PRKCH: variants seen among roughly 807,000 people sequenced by gnomAD.
PRKCH encodes protein kinase C eta type.
PRKCH carries 28 observed loss-of-function variants against 82.5 expected under a neutral mutation model. That is an observed-to-expected ratio of 0.34 (90% confidence interval 0.25 to 0.47). The LOEUF is 0.47. Ranked by LOEUF, PRKCH falls within the 20% of genes least tolerant of loss-of-function variation. The probability of loss-of-function intolerance (pLI) is 1.00; values close to 1 mark genes in which losing one functional copy is unlikely to be tolerated. For missense variants in PRKCH, 705 were observed against 881.8 expected (o/e 0.80, Z 2.54); for synonymous variants, 322 against 327.4 (o/e 0.98, Z 0.18).
At chr14:61,521,254 A>G (rs1217465625) in intron 10 of PRKCH, among the ~76,000 whole-genome samples, 4 of 152,238 alleles carry the variant, frequency 2.6e-5, no homozygotes, top group African/African-American at 4.8e-5. Context: ...ACATTTTCAG[A>G]TAACATTTAA....
intron 12 of PRKCH, among the ~76,000 whole-genome samples, chr14:61,536,084 C>T (rs949722687): frequency 1.3e-5 from 2 of 152,170 alleles, no homozygotes; most frequent in Non-Finnish European, 2.9e-5. Context: ...ACAGAAAGAG[C>T]TAATGATGTG....
intron 10 of PRKCH, among the ~76,000 whole-genome samples, chr14:61,500,676 G>A (rs1215990460): frequency 2.0e-5 from 3 of 152,208 alleles, no homozygotes; most frequent in East Asian, 1.9e-4. Flanking sequence ...CATGAAAATA[G>A]AGAAGGTAGT....
At chr14:61,485,090 G>A (rs1287779148) in intron 9 of PRKCH, among the ~76,000 whole-genome samples, 2 of 151,914 alleles carry the variant, frequency 1.3e-5, no homozygotes, top group Non-Finnish European at 2.9e-5. Flanking sequence ...CTGCCCATTT[G>A]TGAGAACTAG....
intron 2 of PRKCH, among the ~76,000 whole-genome samples, chr14:61,428,072 T>TAC (rs1555386071): frequency 0.02 from 1,533 of 77,272 alleles, 18 homozygotes; most frequent in African/African-American, 0.056. Context: ...GATAGATAGA[T>TAC]AGATACACAC....
rs79204130 is a variant in PRKCH at position 61,322,474 on chromosome 14, G to A, written c.363+10G>A. 89,553 of 1,587,156 alleles carry A rather than the reference G, an allele frequency of 0.056. 2,878 individuals are homozygous for A. Among genetic ancestry groups the A allele is most frequent in the Middle Eastern group, 0.065 (390 of 5,984 alleles). ...CACCTTCGAGGGTTGGGTGAGTAGC[G>A]GTGACCCCTTCCCTTTGTGTCCACC... On this transcript the variant is annotated intron_variant, in intron 1 of 13. Coordinates refer to ENST00000332981, the MANE Select transcript of PRKCH (RefSeq NM_006255.5).
intron 1 of PRKCH, among the ~76,000 whole-genome samples, chr14:61,199,618 C>CT (rs2044464427): frequency 6.3e-5 from 5 of 79,710 alleles, no homozygotes; most frequent in Non-Finnish European, 1.4e-4. Flanking sequence ...GTTTTTGTTT[C>CT]ATTTTTTTTT....
intron 10 of PRKCH, among the ~76,000 whole-genome samples, chr14:61,486,306 T>C (rs1263777974): frequency 6.6e-6 from 1 of 151,990 alleles, no homozygotes; most frequent in Non-Finnish European, 1.5e-5. Context: ...ATTACAGTCA[T>C]GTGGAGCATG....
intron 2 of PRKCH, among the ~76,000 whole-genome samples, chr14:61,427,394 G>A (rs535973259): frequency 6.6e-6 from 1 of 152,180 alleles, no homozygotes; most frequent in East Asian, 1.9e-4. Context: ...TATAGACCTA[G>A]GAAAAGTGCT....
intron 2 of PRKCH, among the ~76,000 whole-genome samples, chr14:61,405,481 G>A (rs1170211438): frequency 6.6e-6 from 1 of 151,962 alleles, no homozygotes; most frequent in African/African-American, 2.4e-5. Flanking sequence ...GGGTTCAAGC[G>A]ATTCTGCTGC....
At chr14:61,441,835 GA>G (rs753493508) in intron 2 of PRKCH, among the ~76,000 whole-genome samples, 125 of 149,796 alleles carry the variant, frequency 8.3e-4, no homozygotes, top group Non-Finnish European at 1.6e-3. Flanking sequence ...ATTTTTTTAA[GA>G]GATGGGGCCT....
chr14:61,484,615 A>G (rs2140328821), intron 9 of PRKCH, among the ~76,000 whole-genome samples: 1 of 152,280 alleles, frequency 6.6e-6, no homozygotes. Context: ...GTGACTTTTA[A>G]GAGTCCACTT....
chr14:61,210,754 TTCTCTCTCTCTCTC>T (rs57385240), intron 1 of PRKCH, among the ~76,000 whole-genome samples: 38,485 of 144,326 alleles, frequency 0.27, 5,489 homozygotes, highest in Non-Finnish European at 0.32. Context: ...CAAGAGTCCT[TTCTCTCTCTCTCTC>T]TCTCTCTCTC....
Position 61,285,091 on chromosome 14 carries a change from A to T in PRKCH, c.-19+97423A>T, listed in dbSNP as rs547189984. On this transcript the variant is annotated intron_variant, in intron 1 of 3. Transcript: ENST00000555185. ...ATCTTTTCTGCATATAACCCTTTTTAAAAAAAACTATGTGTCTCCCTTTCC... is the reference window on the plus strand; with the variant it reads ...ATCTTTTCTGCATATAACCCTTTTTTAAAAAAACTATGTGTCTCCCTTTCC... Among the ~76,000 whole-genome samples the T allele has an allele frequency of 6.3e-4, 96 of 152,112 alleles. 2 individuals are homozygous for T. Among genetic ancestry groups the T allele is most frequent in the Middle Eastern group, 6.8e-3 (2 of 292 alleles).
At chr14:61,232,570 G>T (rs1345978772) in intron 1 of PRKCH, among the ~76,000 whole-genome samples, 1 of 152,184 alleles carries the variant, frequency 6.6e-6, no homozygotes, top group Non-Finnish European at 1.5e-5. Flanking sequence ...AGATACAAAT[G>T]GTAAGGTCTG....
At chr14:61,368,293 G>C (rs2046323410) in intron 1 of PRKCH, among the ~76,000 whole-genome samples, 1 of 151,332 alleles carries the variant, frequency 6.6e-6, no homozygotes, top group Non-Finnish European at 1.5e-5. Context: ...GCTATTACCA[G>C]TACTTCCTCA....
chr14:61,224,168 C>A (rs1373166986), intron 1 of PRKCH, among the ~76,000 whole-genome samples: 1 of 152,122 alleles, frequency 6.6e-6, no homozygotes, highest in African/African-American at 2.4e-5. Flanking sequence ...TCTATCCTTG[C>A]AGTGCATCTT....
At chr14:61,417,762 AAGAG>A (rs1882635732) in intron 2 of PRKCH, among the ~76,000 whole-genome samples, 1 of 152,156 alleles carries the variant, frequency 6.6e-6, no homozygotes. Context: ...AAAAGAAAGA[AAGAG>A]GAGCCTGTAG....
intron 2 of PRKCH, 62 bp downstream of exon 2, chr14:61,391,350 A>G: frequency 7.4e-7 from 1 of 1,343,774 alleles, no homozygotes; most frequent in Non-Finnish European, 1.0e-6. Flanking sequence ...CTCAGTAGGA[A>G]TTTCTATCAT....
chr14:61,231,662 G>A (rs1218165430), intron 1 of PRKCH, among the ~76,000 whole-genome samples: 3 of 152,116 alleles, frequency 2.0e-5, no homozygotes, highest in Non-Finnish European at 4.4e-5. Context: ...GTGAGCCACC[G>A]TGGCCGGCTG....
Sources: allele counts gnomAD v4.1 joint callset (sites outside exome capture counted in the v4.1 genomes callset), GRCh38; gene constraint gnomAD v4.1.1; transcripts MANE v1.5; gene names NCBI Gene and HGNC (gene_info 2026-07-23, HGNC 2026-07-21).